Variants in RFC1 observed in about 807,000 individuals in gnomAD.
The protein encoded by RFC1 is A1 140 kDa subunit.
Under a neutral mutation model 137.4 loss-of-function variants are expected in RFC1, and 37 were observed. That is an observed-to-expected ratio of 0.27 (90% CI 0.21 to 0.35). RFC1 has a LOEUF of 0.35. Ranked by LOEUF, RFC1 falls within the 10% of genes least tolerant of loss-of-function variation. RFC1 has a pLI of 1.00. For missense variants in RFC1, 1,205 were observed against 1,358.5 expected, an observed-to-expected ratio of 0.89 and a Z score of 1.78; for synonymous variants, 429 against 455.7, an observed-to-expected ratio of 0.94 and a Z score of 0.75.
chr4:39,356,007 A>AG (rs2109769793), intron 1 of RFC1: 1 of 151,618 alleles, frequency 6.6e-6, no homozygotes, highest in African/African-American at 2.4e-5. Flanking sequence ...CCTCAAAAAA[A>AG]AAAAAAAAAA....
intron 1 of RFC1, among the ~76,000 whole-genome samples, chr4:39,364,470 C>G (rs1235289891): frequency 1.3e-5 from 2 of 152,252 alleles, no homozygotes; most frequent in Middle Eastern, 3.4e-3. Context: ...TGACCTATTT[C>G]TTTTCTGAGA....
intron 22 of RFC1, among the ~76,000 whole-genome samples, chr4:39,295,178 T>C (rs914393258): frequency 4.6e-5 from 7 of 152,254 alleles, no homozygotes; most frequent in Non-Finnish European, 1.0e-4. Context: ...CATGCTAAAC[T>C]GTTATTTCCT....
chr4:39,350,419 A>G (rs1741127309), intron 2 of RFC1, among the ~76,000 whole-genome samples: 1 of 152,172 alleles, frequency 6.6e-6, no homozygotes, highest in South Asian at 2.1e-4. Flanking sequence ...GGGATAAACA[A>G]AAGAAAACCA....
At position 39,316,989 on chromosome 4, in the gene RFC1, T is replaced by C. The variant is rs752817616; in HGVS notation, c.1129A>G (p.Thr377Ala). The change falls in exon 10 of 25, where the codon ACT becomes GCT. Residue 377 changes from threonine (T) to alanine (A), a missense_variant. By Grantham distance (58) the Thr-to-Ala change is moderately conservative. Around this residue, in one of 3 missense-constraint regions of RFC1, gnomAD observed 962 missense variants for 1,035.3 expected, o/e 0.93. Coordinates refer to ENST00000349703, the MANE Select transcript of RFC1 (RefSeq NM_002913.5). ...VSPEDSEKKR[T>A]NYQAYRSYLN... Reference sequence around the variant, plus strand: ...TAGCTTCGATAAGCTTGATAATTAGTGCGTTTCTTTTCAGAATCTTCAGGA... The same window carrying C: ...TAGCTTCGATAAGCTTGATAATTAGCGCGTTTCTTTTCAGAATCTTCAGGA... 54 of 1,613,920 alleles carry C rather than the reference T, an allele frequency of 3.3e-5. No homozygotes were observed. The highest frequency in any genetic ancestry group is 4.2e-5 in the Non-Finnish European group (50 of 1,179,910).
Position 39,302,726 on chromosome 4 carries a change from A to G in RFC1, c.2340+11T>C, listed in dbSNP as rs748967806. The G allele has an allele frequency of 6.0e-5, 94 of 1,558,118 alleles. No individual in the cohort carries two copies. Among genetic ancestry groups the G allele is most frequent in the Non-Finnish European group, 7.9e-5 (92 of 1,158,846 alleles). ...GCTAGTGTGATGGAAAAAAAATTTC[A>G]ATCATCATACCTTAATCTGTTCAAC... On this transcript the variant is annotated intron_variant, in intron 17 of 24. Transcript: ENST00000349703.
intron 1 of RFC1, among the ~76,000 whole-genome samples, chr4:39,355,234 G>A (rs1325918535): frequency 6.6e-6 from 1 of 150,812 alleles, no homozygotes; most frequent in Non-Finnish European, 1.5e-5. Flanking sequence ...ACCAGCCAGG[G>A]CAACACAGGG....
chr4:39,358,872 A>G (rs1045192095), intron 1 of RFC1, among the ~76,000 whole-genome samples: 1 of 152,192 alleles, frequency 6.6e-6, no homozygotes, highest in African/African-American at 2.4e-5. Context: ...ACTTAACCCC[A>G]GTACCACTTA....
intron 1 of RFC1, among the ~76,000 whole-genome samples, chr4:39,355,536 T>C (rs779677508): frequency 6.7e-6 from 1 of 149,048 alleles, no homozygotes; most frequent in Non-Finnish European, 1.5e-5. Flanking sequence ...AGGCAAAGTA[T>C]AAAAGAAATG....
chr4:39,311,970 C>T (rs1042510360), intron 11 of RFC1, among the ~76,000 whole-genome samples: 1 of 152,168 alleles, frequency 6.6e-6, no homozygotes, highest in Non-Finnish European at 1.5e-5. Flanking sequence ...TGAATGATGA[C>T]TGGTCCAAGG....
intron 4 of RFC1, among the ~76,000 whole-genome samples, chr4:39,334,987 CAAAAAGGA>C (rs1255610462): frequency 6.6e-6 from 1 of 151,666 alleles, no homozygotes. Context: ...ATTTAAAAGG[CAAAAAGGA>C]AAAAAGTCTA....
intron 4 of RFC1, among the ~76,000 whole-genome samples, chr4:39,338,913 C>A (rs925841517): frequency 6.6e-6 from 1 of 152,136 alleles, no homozygotes; most frequent in Admixed American, 6.5e-5. Context: ...AATATCTCCC[C>A]ATGTCCTCCC....
intron 4 of RFC1, among the ~76,000 whole-genome samples, chr4:39,335,190 CT>C (rs1388320035): frequency 1.3e-5 from 2 of 152,104 alleles, no homozygotes; most frequent in African/African-American, 4.8e-5. Context: ...TGTTTAAAGC[CT>C]TTTTCTATAA....
intron 3 of RFC1, among the ~76,000 whole-genome samples, chr4:39,344,253 T>C (rs1463188600): frequency 2.0e-5 from 3 of 152,158 alleles, no homozygotes; most frequent in Non-Finnish European, 2.9e-5. Flanking sequence ...ATAAAAGGCA[T>C]GCAAAAAAAT....
chr4:39,342,567 T>C (rs574086698), intron 3 of RFC1, 100 bp from the exon 4 acceptor site: 1 of 1,171,272 alleles, frequency 8.5e-7, no homozygotes, highest in African/African-American at 1.5e-5. Context: ...CAAGGTCTTT[T>C]TCAAGGCACA....
intron 4 of RFC1, among the ~76,000 whole-genome samples, chr4:39,339,177 G>A (rs1447914987): frequency 2.6e-5 from 4 of 151,912 alleles, no homozygotes; most frequent in Non-Finnish European, 5.9e-5. Flanking sequence ...TCCATATCTT[G>A]GCTATTGTGC....
rs55908174 is a variant in RFC1 at position 39,312,683 on chromosome 4, C to A, written c.1383+69G>T. 78 of 1,349,974 alleles carry A rather than the reference C, an allele frequency of 5.8e-5. No homozygotes were observed. In the African/African-American group the frequency reaches 8.7e-4, roughly 15 times the overall value. The allele number at this position is 1,349,974 out of a possible 1,614,324, so 83.6% of individuals were successfully genotyped here. On this transcript the variant is annotated intron_variant, in intron 11 of 24. Coordinates refer to ENST00000349703, the MANE Select transcript of RFC1 (RefSeq NM_002913.5). ...CCTTCATTTAACTCTGAGTAAAGGGCAAATCACATCAAGAGTGTGCCAAGG... is the reference window on the plus strand; with the variant it reads ...CCTTCATTTAACTCTGAGTAAAGGGAAAATCACATCAAGAGTGTGCCAAGG...
At chr4:39,337,244 C>T (rs1181448160) in intron 4 of RFC1, among the ~76,000 whole-genome samples, 1 of 152,102 alleles carries the variant, frequency 6.6e-6, no homozygotes, top group Non-Finnish European at 1.5e-5. Flanking sequence ...CATGGCGGTG[C>T]ACGCCTGTAA....
At chr4:39,338,657 C>T (rs1005055640) in intron 4 of RFC1, among the ~76,000 whole-genome samples, 1 of 152,042 alleles carries the variant, frequency 6.6e-6, no homozygotes, top group Non-Finnish European at 1.5e-5. Flanking sequence ...TTGTATATAT[C>T]TAAAGTATAC....
chr4:39,305,644 CCTCT>C (rs1447326277), intron 14 of RFC1, among the ~76,000 whole-genome samples: 8 of 151,880 alleles, frequency 5.3e-5, no homozygotes, highest in East Asian at 1.9e-4. Context: ...AAAAAGTAAT[CCTCT>C]CTAAGATAAT....
Sources: gnomAD v4.1 joint callset for allele counts (sites outside exome capture counted in the v4.1 genomes callset) on GRCh38, gnomAD v4.1.1 for gene constraint, gnomAD v4.1.1 regional missense constraint, MANE v1.5 for transcripts, NCBI Gene and HGNC (gene_info 2026-07-23, HGNC 2026-07-21) for gene names.